Variants in PTPRD observed in about 807,000 individuals in gnomAD.
The protein encoded by PTPRD is protein tyrosine phosphatase receptor type D.
PTPRD carries 34 observed loss-of-function variants against 214.5 expected under a neutral mutation model. The observed-to-expected ratio is 0.16, with a 90% CI of 0.12 to 0.21. The LOEUF (loss-of-function observed/expected upper bound fraction) is 0.21. Ranked by LOEUF, PTPRD falls within the 10% of genes least tolerant of loss-of-function variation. PTPRD has a pLI of 1.00. For synonymous variants in PTPRD, 1,128 were observed against 845.7 expected (o/e 1.33, Z -5.79); for missense variants, 2,545 against 2,398.7 (o/e 1.06, Z -1.27).
chr9:8,418,424 C>A (rs1483291749), intron 35 of PTPRD, among the ~76,000 whole-genome samples: 1 of 152,094 alleles, frequency 6.6e-6, no homozygotes, highest in Non-Finnish European at 1.5e-5. Context: ...TGTTTGAATT[C>A]ATTACCATAA....
At chr9:9,893,123 A>G (rs777547807) in intron 5 of PTPRD, among the ~76,000 whole-genome samples, 8 of 152,068 alleles carry the variant, frequency 5.3e-5, no homozygotes, top group African/African-American at 4.8e-5. Flanking sequence ...GAATATCACT[A>G]TATAGAATAT....
At chr9:10,233,576 T>C (rs2154358018) in intron 3 of PTPRD, among the ~76,000 whole-genome samples, 1 of 152,088 alleles carries the variant, frequency 6.6e-6, no homozygotes, top group East Asian at 2.0e-4. Flanking sequence ...TTATGAGCAA[T>C]ACCAAGAAAT....
chr9:10,171,663 C>T (rs747722899), intron 3 of PTPRD, among the ~76,000 whole-genome samples: 4 of 151,986 alleles, frequency 2.6e-5, no homozygotes, highest in African/African-American at 4.8e-5. Flanking sequence ...TAGCTGGGAC[C>T]ACAGGCGCCC....
At chr9:9,263,236 A>G (rs1159737263) in intron 9 of PTPRD, among the ~76,000 whole-genome samples, 1 of 151,620 alleles carries the variant, frequency 6.6e-6, no homozygotes, top group Non-Finnish European at 1.5e-5. Flanking sequence ...ATGTACTTTA[A>G]TTCTGTTTCA....
intron 44 of PTPRD, among the ~76,000 whole-genome samples, chr9:8,327,346 G>T (rs907329511): frequency 6.2e-4 from 81 of 130,620 alleles, no homozygotes; most frequent in South Asian, 2.3e-3. Context: ...GTTTTGAGTG[G>T]TTTTTTTTTT....
chr9:8,481,778 T>TGTTTC (rs58570984), intron 30 of PTPRD, among the ~76,000 whole-genome samples: 1 of 69,280 alleles, frequency 1.4e-5, no homozygotes, highest in Non-Finnish European at 2.9e-5. Flanking sequence ...ATCTATAATC[T>TGTTTC]GTTTTGTTTT....
chr9:10,204,673 G>A (rs1268798375), intron 3 of PTPRD, among the ~76,000 whole-genome samples: 1 of 152,082 alleles, frequency 6.6e-6, no homozygotes, highest in Non-Finnish European at 1.5e-5. Flanking sequence ...AATATGACTG[G>A]TCAAAACTCT....
chr9:8,605,977 C>T (rs2095186528), intron 14 of PTPRD, among the ~76,000 whole-genome samples: 2 of 151,682 alleles, frequency 1.3e-5, no homozygotes, highest in South Asian at 2.1e-4. Context: ...GCGGGGGTGT[C>T]GAGGGGTGGG....
intron 9 of PTPRD, among the ~76,000 whole-genome samples, chr9:9,239,285 C>T (rs2099969082): frequency 6.6e-6 from 1 of 151,286 alleles, no homozygotes. Context: ...ATGAGATAAT[C>T]CTTGGTAAAT....
intron 10 of PTPRD, among the ~76,000 whole-genome samples, chr9:9,153,407 TGA>T (rs2099878536): frequency 1.3e-5 from 2 of 152,172 alleles, no homozygotes; most frequent in Non-Finnish European, 2.9e-5. Context: ...ATGTATGTTC[TGA>T]GAGTGTTAAG....
intron 7 of PTPRD, among the ~76,000 whole-genome samples, chr9:9,595,445 T>C (rs1325309299): frequency 1.3e-5 from 2 of 150,024 alleles, no homozygotes; most frequent in Admixed American, 1.3e-4. Flanking sequence ...CGTGTACACA[T>C]GCATACACAT....
intron 5 of PTPRD, among the ~76,000 whole-genome samples, chr9:9,885,789 A>G (rs2070651609): frequency 6.6e-6 from 1 of 151,966 alleles, no homozygotes; most frequent in African/African-American, 2.4e-5. Flanking sequence ...TGATCTCCAG[A>G]ACTGTAAGAT....
In PTPRD at chr9:9,019,348, G is replaced by GAA. The variant is rs1374822018; in HGVS notation, c.-142-615_-142-614dup. Among the ~76,000 whole-genome samples, 803 of 105,530 alleles carry GAA rather than the reference G, an allele frequency of 7.6e-3. 12 individuals are homozygous for GAA. The highest frequency in any genetic ancestry group is 0.028 in the African/African-American group (671 of 23,682). The allele number at this position is 105,530 out of a possible 152,430, so 69.2% of individuals were successfully genotyped here. On this transcript the variant is annotated intron_variant, in intron 10 of 45. Coordinates refer to ENST00000381196, the MANE Select transcript of PTPRD (RefSeq NM_002839.4). ...AGAAAGAAAGAAAGAACGAAAGAAAGAAAGAAAGAAAGAATCTGAATTTTA... is the reference window on the plus strand; with the variant it reads ...AGAAAGAAAGAAAGAACGAAAGAAAGAAAAAGAAAGAAAGAATCTGAATTTTA...
intron 6 of PTPRD, among the ~76,000 whole-genome samples, chr9:9,762,720 C>G (rs2098669899): frequency 6.6e-6 from 1 of 152,204 alleles, no homozygotes. Context: ...ATATTTCTTT[C>G]ATGCAACTCA....
chr9:9,367,698 G>A (rs893376183), intron 9 of PTPRD, among the ~76,000 whole-genome samples: 1 of 151,514 alleles, frequency 6.6e-6, no homozygotes, highest in Non-Finnish European at 1.5e-5. Context: ...GACGTGTTCG[G>A]ACAAAAAAAT....
At chr9:8,713,742 G>C (rs2098397079) in intron 12 of PTPRD, 2 of 1,511,888 alleles carry the variant, frequency 1.3e-6, no homozygotes, top group Non-Finnish European at 1.8e-6. Flanking sequence ...CTGTCAAGCA[G>C]TTCCACGACT....
rs142113575 is a variant in PTPRD, at chr9:10,240,056, A to G, written c.-545+100907T>C. ...GTGTCGCACAGAGGGATCAAGAAACATCTAAACAGACAGGCCTTGCTGAGT... is the reference window on the plus strand; with the variant it reads ...GTGTCGCACAGAGGGATCAAGAAACGTCTAAACAGACAGGCCTTGCTGAGT... On this transcript the variant is annotated intron_variant, in intron 3 of 45. Transcript: ENST00000381196. Among the ~76,000 whole-genome samples the G allele has an allele frequency of 1.2e-4, 18 of 152,106 alleles. No individual in the cohort carries two copies. The East Asian group carries it at 3.1e-3, about 26-fold the overall frequency.
chr9:9,785,064 A>G (rs957078471), intron 5 of PTPRD, among the ~76,000 whole-genome samples: 1 of 151,764 alleles, frequency 6.6e-6, no homozygotes, highest in Admixed American at 6.6e-5. Flanking sequence ...TTTAGAAAGA[A>G]TGAAAGAAAA....
chr9:9,808,260 T>G (rs1472338411), intron 5 of PTPRD, among the ~76,000 whole-genome samples: 1 of 152,142 alleles, frequency 6.6e-6, no homozygotes, highest in Non-Finnish European at 1.5e-5. Context: ...CGAATTAAAT[T>G]AAATTGGAAG....
Sources: gnomAD v4.1 joint callset for allele counts (sites outside exome capture counted in the v4.1 genomes callset) on GRCh38, gnomAD v4.1.1 for gene constraint, MANE v1.5 for transcripts, NCBI Gene and HGNC (gene_info 2026-07-23, HGNC 2026-07-21) for gene names.